Variants in AKAP13 observed in about 807,000 individuals in gnomAD.
The protein encoded by AKAP13 is A-kinase anchoring protein 13.
A neutral mutation model predicts 264.5 loss-of-function variants in AKAP13; 80 were observed. That is an observed-to-expected ratio of 0.30 (90% CI 0.25 to 0.36). The LOEUF (loss-of-function observed/expected upper bound fraction) is 0.36, where lower values mean the gene tolerates loss of function less well. Ranked by LOEUF, AKAP13 falls within the 10% of genes least tolerant of loss-of-function variation. The pLI, the probability that AKAP13 is intolerant of heterozygous loss-of-function variation, is 1.00. For missense variants in AKAP13, 3,712 were observed against 3,435.2 expected, an observed-to-expected ratio of 1.08 and a Z score of -2.01; for synonymous variants, 1,380 against 1,250.2, an observed-to-expected ratio of 1.10 and a Z score of -2.19.
chr15:85,508,609 T>A (rs2076314291), intron 2 of AKAP13, among the ~76,000 whole-genome samples: 1 of 152,118 alleles, frequency 6.6e-6, no homozygotes, highest in Non-Finnish European at 1.5e-5. Context: ...CTCTGTCCTG[T>A]TCTCCGCAGA....
intron 30 of AKAP13, among the ~76,000 whole-genome samples, chr15:85,733,873 CTTTT>C (rs72092500): frequency 7.3e-5 from 6 of 82,588 alleles, no homozygotes; most frequent in South Asian, 4.0e-4. Flanking sequence ...TCTTTCTTTT[CTTTT>C]TTTTTTTTTT....
intron 1 of AKAP13, chr15:85,381,889 T>G (rs542951536): frequency 6.6e-6 from 1 of 152,266 alleles, no homozygotes; most frequent in African/African-American, 2.4e-5. Flanking sequence ...TTCTGAACTG[T>G]TGGATTGCGC....
At chr15:85,465,571 A>G (rs1272282266) in intron 1 of AKAP13, among the ~76,000 whole-genome samples, 1 of 139,908 alleles carries the variant, frequency 7.1e-6, no homozygotes, top group Non-Finnish European at 1.5e-5. Context: ...CTCATTGTTC[A>G]GTTCCCACCT....
At chr15:85,596,842 A>T (rs753855675) in intron 8 of AKAP13, among the ~76,000 whole-genome samples, 1 of 152,164 alleles carries the variant, frequency 6.6e-6, no homozygotes, top group Non-Finnish European at 1.5e-5. Context: ...ATACGTGTGT[A>T]TGTGTATGTT....
intron 8 of AKAP13, among the ~76,000 whole-genome samples, chr15:85,604,320 A>AG (rs1261645957): frequency 6.6e-6 from 1 of 152,196 alleles, no homozygotes. Context: ...AATTAGGTGA[A>AG]GAATAGGAAG....
At position 85,543,752 on chromosome 15, in the gene AKAP13, A is replaced by C; in HGVS notation, c.479-20A>C. On this transcript the variant is annotated intron_variant, in intron 4 of 36. Coordinates refer to ENST00000394518, the MANE Select transcript of AKAP13 (RefSeq NM_007200.5). ...TTTTATATTTTCCTCACTTACGTTC[A>C]TTTTCTCCCCCATTTACAGATGCTG... The C allele has an allele frequency of 6.3e-7, 1 of 1,576,918 alleles. No homozygotes were observed. The highest frequency in any genetic ancestry group is 1.7e-4 in the Middle Eastern group (1 of 5,882).
intron 1 of AKAP13, among the ~76,000 whole-genome samples, chr15:85,483,374 C>A (rs896276743): frequency 6.6e-6 from 1 of 152,204 alleles, no homozygotes; most frequent in African/African-American, 2.4e-5. Flanking sequence ...CGCCTGTAAT[C>A]CCAGCACTTT....
rs759237602 is a variant in AKAP13, at chr15:85,743,791, AAAG to A, written c.8364_8366del (p.Lys2788del). ...AGCCAAAGGAAAAGAAGGAGAAAAA[AAAG>A]AAGAACAAAACCAGCCGCTCTCAGC... is the stretch of plus-strand genomic sequence containing the variant. On this transcript the variant is annotated inframe_deletion, in exon 36 of 37. Coordinates refer to ENST00000394518, the MANE Select transcript of AKAP13 (RefSeq NM_007200.5). 295 of 1,612,436 alleles carry A rather than the reference AAAG, an allele frequency of 1.8e-4. No individual in the cohort carries two copies. The highest frequency in any genetic ancestry group is 3.7e-4 in the South Asian group (34 of 91,020).
intron 14 of AKAP13, among the ~76,000 whole-genome samples, chr15:85,675,953 C>T (rs1597016528): frequency 6.6e-6 from 1 of 152,136 alleles, no homozygotes; most frequent in East Asian, 1.9e-4. Context: ...ACTCCATCGC[C>T]CGGGCTGGAA....
At position 85,664,570 on chromosome 15, in the gene AKAP13, C is replaced by G; in HGVS notation, c.4807C>G (p.Leu1603Val). The change falls in exon 13 of 37, where the codon CTA becomes GTA. Residue 1603 changes from leucine to valine, a missense_variant. By Grantham distance (32) the Leu-to-Val change is conservative (BLOSUM62 1). This residue lies in a region of AKAP13 where 2,759 missense variants were observed against 2,411.7 expected (regional missense o/e 1.14). Coordinates refer to ENST00000394518, the MANE Select transcript of AKAP13 (RefSeq NM_007200.5). ...RPPIHRRSFS[L>V]EGLTGGAGVG... is the part of the protein sequence containing the mutation. ...TTTGTGCCCTATGTTCAGTTTCAGT[C>G]TAGAAGGCTTGACAGGAGGAGCTGG... 1 of 1,611,534 alleles carries G rather than the reference C, an allele frequency of 6.2e-7. No homozygotes were observed. Among genetic ancestry groups the G allele is most frequent in the Non-Finnish European group, 8.5e-7 (1 of 1,178,570 alleles).
chr15:85,698,092 A>G (rs888086961), intron 17 of AKAP13, among the ~76,000 whole-genome samples: 2 of 152,232 alleles, frequency 1.3e-5, no homozygotes, highest in African/African-American at 4.8e-5. Flanking sequence ...ATATTCTGGA[A>G]AAATTGAAAG....
intron 1 of AKAP13, among the ~76,000 whole-genome samples, chr15:85,461,533 T>TC (rs2074515779): frequency 1.3e-5 from 2 of 152,344 alleles, no homozygotes; most frequent in South Asian, 4.1e-4. Context: ...GATAATGTGT[T>TC]CAGCAATCCT....
intron 33 of AKAP13, among the ~76,000 whole-genome samples, chr15:85,736,421 T>G (rs1235399405): frequency 7.0e-6 from 1 of 143,452 alleles, no homozygotes; most frequent in South Asian, 2.2e-4. Flanking sequence ...CTTGCTGTTT[T>G]TTTGTTTGTT....
chr15:85,565,458 A>G (rs2078572576), intron 5 of AKAP13, among the ~76,000 whole-genome samples: 1 of 152,204 alleles, frequency 6.6e-6, no homozygotes, highest in Non-Finnish European at 1.5e-5. Context: ...TTTGGTTACA[A>G]TATAATCTTT....
intron 1 of AKAP13, among the ~76,000 whole-genome samples, chr15:85,475,535 T>C (rs751658011): frequency 2.6e-5 from 4 of 152,332 alleles, no homozygotes; most frequent in South Asian, 2.1e-4. Context: ...AACCATCATG[T>C]GGGATCCTAA....
intron 9 of AKAP13, among the ~76,000 whole-genome samples, chr15:85,642,016 G>C (rs1192084127): frequency 6.6e-6 from 1 of 152,166 alleles, no homozygotes. Context: ...AAAGCTAATA[G>C]CTCAGTACAC....
chr15:85,505,094 C>T (rs147503055), intron 2 of AKAP13, among the ~76,000 whole-genome samples: 1 of 152,212 alleles, frequency 6.6e-6, no homozygotes, highest in African/African-American at 2.4e-5. Flanking sequence ...TACACTCTTA[C>T]AATTTTTCAA....
At chr15:85,522,629 A>G (rs1264620713) in intron 3 of AKAP13, among the ~76,000 whole-genome samples, 2 of 151,998 alleles carry the variant, frequency 1.3e-5, no homozygotes, top group Non-Finnish European at 2.9e-5. Flanking sequence ...TCTGAGCTCT[A>G]GTTCACATTT....
At chr15:85,399,520 A>G (rs1160461037) in intron 1 of AKAP13, among the ~76,000 whole-genome samples, 1 of 117,820 alleles carries the variant, frequency 8.5e-6, no homozygotes, top group Non-Finnish European at 1.7e-5. Context: ...AAAAAAAAAA[A>G]AATAAAAAAA....
Sources: allele counts gnomAD v4.1 joint callset (sites outside exome capture counted in the v4.1 genomes callset), GRCh38; gene constraint gnomAD v4.1.1; regional missense constraint gnomAD v4.1.1; transcripts MANE v1.5; gene names NCBI Gene and HGNC (gene_info 2026-07-23, HGNC 2026-07-21).